The following CADPS variants were observed in gnomAD, a reference collection of about 807,000 sequenced individuals.
The protein encoded by CADPS is calcium-dependent secretion activator 1.
CADPS carries 57 observed loss-of-function variants against 167.3 expected under a neutral mutation model. That is an observed-to-expected ratio of 0.34 (90% CI 0.28 to 0.42). The LOEUF is 0.42. CADPS is among the 20% of genes least tolerant of loss of function. CADPS has a pLI of 1.00. For synonymous variants in CADPS, 676 were observed against 635.3 expected (o/e 1.06, Z -0.96); for missense variants, 1,414 against 1,738.1 (o/e 0.81, Z 3.32).
chr3:62,790,190 C>T (rs2092810479), intron 1 of CADPS, among the ~76,000 whole-genome samples: 1 of 152,038 alleles, frequency 6.6e-6, no homozygotes, highest in Non-Finnish European at 1.5e-5. Flanking sequence ...GAGTATGCAA[C>T]ATATATTTTT....
At position 62,491,324 on chromosome 3, in the gene CADPS, A is replaced by C; in HGVS notation, c.3026+15T>G. 6.2e-7 allele frequency: 1 copy of C among 1,612,634 alleles called. No individual in the cohort carries two copies. The highest frequency in any genetic ancestry group is 8.5e-7 in the Non-Finnish European group (1 of 1,179,512). On this transcript the variant is annotated intron_variant, in intron 21 of 29. Coordinates refer to ENST00000383710, the MANE Select transcript of CADPS (RefSeq NM_003716.4). Reference sequence around the variant, plus strand: ...TGTACCCAAACTCCGATGGTATCAAAAAAGGTTTCCTTACTTGACTGGTTC... The same window carrying C: ...TGTACCCAAACTCCGATGGTATCAACAAAGGTTTCCTTACTTGACTGGTTC...
chr3:62,658,344 C>T (rs2072259120), intron 4 of CADPS, among the ~76,000 whole-genome samples: 1 of 152,022 alleles, frequency 6.6e-6, no homozygotes, highest in Admixed American at 6.6e-5. Flanking sequence ...AGAGAGAGTT[C>T]AGGATGAGGC....
intron 3 of CADPS, among the ~76,000 whole-genome samples, chr3:62,663,177 C>G (rs1315513069): frequency 1.3e-5 from 2 of 152,066 alleles, no homozygotes; most frequent in African/African-American, 4.8e-5. Flanking sequence ...CTTTGAGGGC[C>G]ATAAGATCTC....
intron 3 of CADPS, among the ~76,000 whole-genome samples, chr3:62,732,731 T>C (rs754995709): frequency 1.3e-5 from 2 of 152,234 alleles, no homozygotes; most frequent in Non-Finnish European, 2.9e-5. Flanking sequence ...GAGGGAATGC[T>C]GCACCTGGTA....
At chr3:62,597,118 C>T (rs574440577) in intron 6 of CADPS, among the ~76,000 whole-genome samples, 26 of 152,200 alleles carry the variant, frequency 1.7e-4, no homozygotes, top group African/African-American at 6.0e-4. Flanking sequence ...CTTTTGGAGG[C>T]CAGGAATTTG....
At position 62,491,328 on chromosome 3, in the gene CADPS, G is replaced by A; in HGVS notation, c.3026+11C>T. The A allele has an allele frequency of 6.2e-7, 1 of 1,612,632 alleles. No individual in the cohort carries two copies. Among genetic ancestry groups the A allele is most frequent in the South Asian group, 1.1e-5 (1 of 90,752 alleles). On this transcript the variant is annotated intron_variant, in intron 21 of 29. Transcript: ENST00000383710. ...CCCAAACTCCGATGGTATCAAAAAA[G>A]GTTTCCTTACTTGACTGGTTCCCAT...
chr3:62,717,538 C>T (rs1301930767), intron 3 of CADPS, among the ~76,000 whole-genome samples: 1 of 152,124 alleles, frequency 6.6e-6, no homozygotes, highest in East Asian at 1.9e-4. Context: ...ATTTAAAAAC[C>T]TGGGAATCAT....
intron 1 of CADPS, among the ~76,000 whole-genome samples, chr3:62,822,067 C>A (rs1173448851): frequency 6.6e-6 from 1 of 152,168 alleles, no homozygotes; most frequent in African/African-American, 2.4e-5. Flanking sequence ...TTCTTGGAGT[C>A]TCTCTTTCTC....
chr3:62,758,316 A>AGGAGAGAT (rs1207213179), intron 2 of CADPS, among the ~76,000 whole-genome samples: 1 of 152,196 alleles, frequency 6.6e-6, no homozygotes, highest in African/African-American at 2.4e-5. Flanking sequence ...TCCCAGAAAG[A>AGGAGAGAT]GGAGAGATGA....
chr3:62,422,845 T>C (rs1286524827), intron 28 of CADPS, among the ~76,000 whole-genome samples: 1 of 152,220 alleles, frequency 6.6e-6, no homozygotes, highest in East Asian at 1.9e-4. Flanking sequence ...AGTACCTCAT[T>C]GGAAAATCTT....
Position 62,505,027 on chromosome 3 carries a change from G to A in CADPS, c.2600-5759C>T, listed in dbSNP as rs571522672. Among the ~76,000 whole-genome samples, 9 of 152,248 alleles carry A rather than the reference G, an allele frequency of 5.9e-5. 1 individual carries two copies. The South Asian group carries it at 1.9e-3, about 32-fold the overall frequency. ...CTGAAGATGCTAGTATTTGTATTAT[G>A]CAATTACAGAAAATAACTAGCCTGT... On this transcript the variant is annotated intron_variant, in intron 17 of 29. Transcript: ENST00000383710.
intron 1 of CADPS, among the ~76,000 whole-genome samples, chr3:62,831,976 C>T (rs182908554): frequency 7.2e-5 from 11 of 152,224 alleles, no homozygotes; most frequent in Non-Finnish European, 1.5e-4. Flanking sequence ...ATTTTTGAAC[C>T]CAGCTTCCCT....
chr3:62,587,219 A>T (rs1472414034), intron 7 of CADPS, among the ~76,000 whole-genome samples: 2 of 152,130 alleles, frequency 1.3e-5, no homozygotes, highest in Non-Finnish European at 2.9e-5. Context: ...TTATTTTGTA[A>T]AGGTTGATTT....
intron 1 of CADPS, among the ~76,000 whole-genome samples, chr3:62,826,546 G>C (rs953248718): frequency 2.0e-5 from 3 of 152,160 alleles, no homozygotes; most frequent in Admixed American, 6.6e-5. Flanking sequence ...AAGAAGGGCA[G>C]AAAGTGGTCT....
intron 1 of CADPS, among the ~76,000 whole-genome samples, chr3:62,833,838 A>G (rs2075498654): frequency 6.6e-6 from 1 of 152,108 alleles, no homozygotes; most frequent in African/African-American, 2.4e-5. Flanking sequence ...TGTTTTTGAG[A>G]AAACTACTCT....
intron 1 of CADPS, among the ~76,000 whole-genome samples, chr3:62,862,197 T>C (rs147197836): frequency 6.6e-6 from 1 of 151,800 alleles, no homozygotes; most frequent in Non-Finnish European, 1.5e-5. Context: ...ATAAAAATAT[T>C]GATAGCATTG....
intron 9 of CADPS, among the ~76,000 whole-genome samples, chr3:62,560,649 C>T (rs1032601889): frequency 6.6e-6 from 1 of 152,150 alleles, no homozygotes; most frequent in Non-Finnish European, 1.5e-5. Flanking sequence ...CAGGACAGGC[C>T]GTTGGGACTT....
intron 3 of CADPS, among the ~76,000 whole-genome samples, chr3:62,715,156 G>A (rs1460667745): frequency 6.6e-6 from 1 of 152,112 alleles, no homozygotes; most frequent in Non-Finnish European, 1.5e-5. Context: ...TGGAAGAATG[G>A]GGGGTGCAAA....
chr3:62,862,497 C>G (rs1173353809), intron 1 of CADPS, among the ~76,000 whole-genome samples: 3 of 152,148 alleles, frequency 2.0e-5, no homozygotes, highest in Non-Finnish European at 4.4e-5. Flanking sequence ...GTGTGAGCCA[C>G]TGTGCCCTGC....
Sources: gnomAD v4.1 joint callset for allele counts (sites outside exome capture counted in the v4.1 genomes callset) on GRCh38, gnomAD v4.1.1 for gene constraint, MANE v1.5 for transcripts, NCBI Gene and HGNC (gene_info 2026-07-23, HGNC 2026-07-21) for gene names.